ROR2: variants seen among roughly 807,000 people sequenced by gnomAD.
ROR2 encodes tyrosine-protein kinase transmembrane receptor ROR2.
Under a neutral mutation model 74.9 loss-of-function variants are expected in ROR2, and 33 were observed. That is an observed-to-expected ratio of 0.44 (90% CI 0.33 to 0.59). The LOEUF (loss-of-function observed/expected upper bound fraction) is 0.59. Among genes scored for constraint, ROR2 ranks in the 20% least tolerant of loss-of-function variants. ROR2 has a pLI of 0.02. For synonymous variants in ROR2, 586 were observed against 558.7 expected, an observed-to-expected ratio of 1.05 and a Z score of -0.69; for missense variants, 1,216 against 1,313.8, an observed-to-expected ratio of 0.93 and a Z score of 1.15.
At chr9:91,860,542 C>A (rs1391081198) in intron 1 of ROR2, among the ~76,000 whole-genome samples, 1 of 152,208 alleles carries the variant, frequency 6.6e-6, no homozygotes, top group African/African-American at 2.4e-5. Context: ...GAAAGACCCA[C>A]AATACGCAGT....
At chr9:91,795,914 AC>A (rs1445714819) in intron 1 of ROR2, among the ~76,000 whole-genome samples, 1 of 152,058 alleles carries the variant, frequency 6.6e-6, no homozygotes, top group African/African-American at 2.4e-5. Context: ...CACACCCATG[AC>A]CCCTGACTCA....
Position 91,724,131 on chromosome 9 carries a change from C to T in ROR2, c.2363G>A (p.Gly788Glu). 6.2e-7 allele frequency: 1 copy of T among 1,611,010 alleles called. No individual in the cohort carries two copies. Residue 788 changes from glycine to glutamate, a missense_variant, in exon 9 of 9, where the codon GGG becomes GAG. Transcript: ENST00000375708. Reference sequence around the variant, plus strand: ...GAAGGGCGGGGCCTTCTGCTTGGGCCCCACGTAGCGGGCGTTGCTCACATT... The same window carrying T: ...GAAGGGCGGGGCCTTCTGCTTGGGCTCCACGTAGCGGGCGTTGCTCACATT... Reference protein sequence around the residue: ...VSNVSNARYVGPKQKAPPFPQ... With the variant: ...VSNVSNARYVEPKQKAPPFPQ...
chr9:91,786,900 T>C (rs1411752419), intron 1 of ROR2, among the ~76,000 whole-genome samples: 1 of 152,088 alleles, frequency 6.6e-6, no homozygotes, highest in Non-Finnish European at 1.5e-5. Flanking sequence ...CTACGGAACT[T>C]CAAAAGCTCT....
intron 1 of ROR2, among the ~76,000 whole-genome samples, chr9:91,941,187 C>T (rs149678224): frequency 5.3e-4 from 80 of 151,560 alleles, no homozygotes; most frequent in African/African-American, 1.7e-3. Flanking sequence ...TTAGTAGAGA[C>T]GGGGTTTCAC....
rs1373801601 is a variant in ROR2, at chr9:91,949,917, G to C, written c.47C>G (p.Pro16Arg). 2.3e-5 allele frequency: 36 copies of C among 1,538,082 alleles called. No homozygotes were observed. Among genetic ancestry groups the C allele is most frequent in the Non-Finnish European group, 3.2e-5 (36 of 1,142,584 alleles). ...ALPRRPLLCI[P>R]AVWAAAALLL... ...AAGCGCGGCGGCCGCCCAGACGGCC[G>C]GGATGCACAGCAGCGGCCGCCGCGG... Residue 16 changes from proline (P) to arginine (R), a missense_variant, in exon 1 of 9, where the codon CCG becomes CGG. By Grantham distance (103) the Pro-to-Arg change is moderately radical (BLOSUM62 -2). Transcript: ENST00000375708.
intron 1 of ROR2, among the ~76,000 whole-genome samples, chr9:91,840,601 C>G (rs1172115057): frequency 6.6e-6 from 1 of 152,246 alleles, no homozygotes; most frequent in Non-Finnish European, 1.5e-5. Context: ...GGCCATGCTC[C>G]CTGGCCCTAC....
At chr9:91,947,586 G>C (rs916696039) in intron 1 of ROR2, among the ~76,000 whole-genome samples, 1 of 152,014 alleles carries the variant, frequency 6.6e-6, no homozygotes, top group South Asian at 2.1e-4. Context: ...CAGGGATCTG[G>C]GCCAAAAGTA....
At chr9:91,869,884 AG>A (rs1829747186) in intron 1 of ROR2, among the ~76,000 whole-genome samples, 1 of 152,250 alleles carries the variant, frequency 6.6e-6, no homozygotes, top group African/African-American at 2.4e-5. Flanking sequence ...CATTCATAAA[AG>A]TTATCTAAGT....
At chr9:91,793,666 G>C (rs1827075155) in intron 1 of ROR2, among the ~76,000 whole-genome samples, 2 of 151,746 alleles carry the variant, frequency 1.3e-5, no homozygotes, top group South Asian at 4.2e-4. Context: ...GGAGGCTGAG[G>C]CAGGAGAATT....
chr9:91,910,472 C>CA (rs112000577), intron 1 of ROR2, among the ~76,000 whole-genome samples: 11,669 of 152,158 alleles, frequency 0.077, 655 homozygotes, highest in Non-Finnish European at 0.11. Flanking sequence ...CAAAAACAGA[C>CA]AAACTGGACT....
chr9:91,888,403 C>T (rs1830342874), intron 1 of ROR2, among the ~76,000 whole-genome samples: 2 of 152,310 alleles, frequency 1.3e-5, no homozygotes, highest in East Asian at 3.9e-4. Flanking sequence ...GATGCAGGAA[C>T]ACACCTGGGT....
chr9:91,925,728 C>A (rs1433100428), intron 1 of ROR2, among the ~76,000 whole-genome samples: 5 of 152,096 alleles, frequency 3.3e-5, no homozygotes, highest in African/African-American at 1.2e-4. Context: ...GAGTGCTTGC[C>A]AGAGAGCCAG....
intron 1 of ROR2, among the ~76,000 whole-genome samples, chr9:91,777,432 C>A (rs1432690294): frequency 1.3e-5 from 2 of 151,380 alleles, no homozygotes; most frequent in East Asian, 3.8e-4. Flanking sequence ...TCATCATCAT[C>A]AAAATGTTAT....
chr9:91,754,394 T>G (rs1364120511), intron 4 of ROR2, among the ~76,000 whole-genome samples: 1 of 152,046 alleles, frequency 6.6e-6, no homozygotes, highest in Non-Finnish European at 1.5e-5. Flanking sequence ...CAGTGGCTCA[T>G]GCCTGTAATC....
intron 1 of ROR2, among the ~76,000 whole-genome samples, chr9:91,890,950 A>AT (rs1388417707): frequency 6.6e-6 from 1 of 152,104 alleles, no homozygotes; most frequent in Non-Finnish European, 1.5e-5. Context: ...CCTCATGTGG[A>AT]TTTTTTTAAT....
chr9:91,819,621 G>A (rs972165925), intron 1 of ROR2, among the ~76,000 whole-genome samples: 7 of 151,820 alleles, frequency 4.6e-5, no homozygotes, highest in Non-Finnish European at 8.8e-5. Flanking sequence ...CTGTCTTTGA[G>A]TGAGTGTGTG....
intron 1 of ROR2, among the ~76,000 whole-genome samples, chr9:91,780,385 AT>A (rs66481549): frequency 0.39 from 58,937 of 149,794 alleles, 13,646 homozygotes; most frequent in African/African-American, 0.66. Context: ...TAAAAAAAAA[AT>A]GAAAGAAAGA....
intron 1 of ROR2, among the ~76,000 whole-genome samples, chr9:91,834,448 A>G (rs1828556076): frequency 6.6e-6 from 1 of 152,238 alleles, no homozygotes; most frequent in African/African-American, 2.4e-5. Context: ...TCCTGAACTC[A>G]GCCTGGCATG....
In ROR2 at chr9:91,853,264, C is replaced by A. The variant is rs576480440; in HGVS notation, c.98-77446G>T. 7.2e-5 allele frequency among the ~76,000 whole-genome samples: 11 copies of A among 152,188 alleles called. No individual in the cohort carries two copies. The South Asian group carries it at 1.2e-3, about 17-fold the overall frequency. On this transcript the variant is annotated intron_variant, in intron 1 of 8. Transcript: ENST00000375708. ...CAGGACTCAACGGCCAGAGGGCGGG[C>A]GAGTTTAACGACCCAACCAGAGTTA... is the stretch of plus-strand genomic sequence containing the variant.
Sources: gnomAD v4.1 joint callset for allele counts (sites outside exome capture counted in the v4.1 genomes callset) on GRCh38, gnomAD v4.1.1 for gene constraint, MANE v1.5 for transcripts, NCBI Gene and HGNC (gene_info 2026-07-23, HGNC 2026-07-21) for gene names.